The following UBE2U variants were observed in gnomAD, a reference collection of about 807,000 sequenced individuals.
The protein encoded by UBE2U is ubiquitin-conjugating enzyme E2 U.
UBE2U carries 39 observed loss-of-function variants against 41.2 expected under a neutral mutation model. The observed-to-expected ratio is 0.95, with a 90% CI of 0.73 to 1.24. The LOEUF (loss-of-function observed/expected upper bound fraction) is 1.24, where lower values mean the gene tolerates loss of function less well. Among genes scored for constraint, UBE2U ranks in the 50% most tolerant of loss-of-function variants. The pLI is 0.00. For missense variants in UBE2U, 336 were observed against 363.1 expected (o/e 0.93, Z 0.61); for synonymous variants, 107 against 117.8 (o/e 0.91, Z 0.60).
chr1:64,222,428 C>T (rs1202997499), intron 6 of UBE2U, among the ~76,000 whole-genome samples: 3 of 152,164 alleles, frequency 2.0e-5, no homozygotes, highest in Non-Finnish European at 4.4e-5. Context: ...AGCAGAAGAC[C>T]TTCTGTGGTC....
intron 8 of UBE2U, chr1:64,244,169 A>G: frequency 1.2e-6 from 2 of 1,607,614 alleles, no homozygotes; most frequent in Non-Finnish European, 1.7e-6. Context: ...GGGGAAGAGC[A>G]TGAGCTTCAG....
intron 9 of UBE2U, among the ~76,000 whole-genome samples, chr1:64,265,647 C>G (rs1020670101): frequency 1.3e-5 from 2 of 152,152 alleles, no homozygotes; most frequent in African/African-American, 4.8e-5. Flanking sequence ...GGGTCAATCT[C>G]AGCTCACTGC....
At chr1:64,221,624 GC>G (rs1652473925) in intron 6 of UBE2U, among the ~76,000 whole-genome samples, 1 of 152,150 alleles carries the variant, frequency 6.6e-6, no homozygotes, top group Non-Finnish European at 1.5e-5. Context: ...CAAGGTATAG[GC>G]CTAGAAACAC....
chr1:64,210,807 T>C lies in UBE2U; in HGVS notation c.307T>C (p.Tyr103His), dbSNP rs889525948. 3.7e-6 allele frequency: 6 copies of C among 1,607,462 alleles called. No individual in the cohort carries two copies. Among genetic ancestry groups the C allele is most frequent in the Non-Finnish European group, 5.1e-6 (6 of 1,175,940 alleles). ...LDNPEKWNTNYTLSSILLALQ... is the reference protein window; with the variant it reads ...LDNPEKWNTNHTLSSILLALQ... ...CAACCCTGAGAAGTGGAATACAAACTATACATTGAGCAGCATCTTACTTGC... is the reference window on the plus strand; with the variant it reads ...CAACCCTGAGAAGTGGAATACAAACCATACATTGAGCAGCATCTTACTTGC... The change falls in exon 4 of 10, where the codon TAT (tyrosine) becomes CAT (histidine). Residue 103 changes from tyrosine to histidine, a missense_variant. Coordinates refer to ENST00000371077, the MANE Select transcript of UBE2U (RefSeq NM_001366232.2).
chr1:64,232,559 A>C lies in UBE2U; in HGVS notation c.507-2A>C, dbSNP rs748124770. ...TCGTCTGATTTTTATTTATATTTTC[A>C]GACCAATTAAAACAACCTCATTTAG... On this transcript the variant is annotated splice_acceptor_variant, in intron 6 of 9. Coordinates refer to ENST00000371077, the MANE Select transcript of UBE2U (RefSeq NM_001366232.2). LOFTEE classifies it high-confidence loss of function. 6.2e-7 allele frequency: 1 copy of C among 1,608,072 alleles called. No individual in the cohort carries two copies. Among genetic ancestry groups the C allele is most frequent in the Non-Finnish European group, 8.5e-7 (1 of 1,177,188 alleles).
intron 7 of UBE2U, among the ~76,000 whole-genome samples, chr1:64,237,812 G>A (rs149389500): frequency 1.3e-5 from 2 of 152,274 alleles, no homozygotes; most frequent in East Asian, 3.9e-4. Context: ...GGACTATTCA[G>A]GAAAGATGAC....
At position 64,239,057 on chromosome 1, in the gene UBE2U, GAAGAA is replaced by G. The variant is rs1557729267; in HGVS notation, c.596-2594_596-2590del. The stretch of plus-strand genomic sequence containing the variant: ...ACCCCCATCTCAAAAAGAAGAAGAA[GAAGAA>G]GAAGAGGAAGAGGAAGAGGAAGAGG... On this transcript the variant is annotated intron_variant, in intron 7 of 9. Transcript: ENST00000371077. 1.4e-3 allele frequency among the ~76,000 whole-genome samples: 87 copies of G among 62,778 alleles called. 2 individuals are homozygous for G. The highest frequency in any genetic ancestry group is 1.9e-3 in the Admixed American group (11 of 5,702). 41.2% of individuals were successfully genotyped at this position (62,778 alleles called of 152,430 possible).
intron 3 of UBE2U, among the ~76,000 whole-genome samples, chr1:64,208,906 G>GA (rs1396772943): frequency 1.3e-4 from 20 of 151,936 alleles, no homozygotes; most frequent in Admixed American, 1.1e-3. Flanking sequence ...ATTGTTAAGT[G>GA]AAAAAATACA....
At chr1:64,259,641 A>T (rs1323528345) in intron 8 of UBE2U, among the ~76,000 whole-genome samples, 3 of 152,044 alleles carry the variant, frequency 2.0e-5, no homozygotes, top group Non-Finnish European at 4.4e-5. Flanking sequence ...TTTCTTCAAG[A>T]AAACTTTGTT....
intron 6 of UBE2U, among the ~76,000 whole-genome samples, chr1:64,229,410 A>G (rs1273540032): frequency 1.3e-5 from 2 of 152,198 alleles, no homozygotes; most frequent in East Asian, 3.9e-4. Flanking sequence ...AAGAGGCGCT[A>G]AACTTGGCTC....
At chr1:64,239,157 A>AAGAAGAAGAGAAGAAG in intron 7 of UBE2U, among the ~76,000 whole-genome samples, 1 of 37,064 alleles carries the variant, frequency 2.7e-5, no homozygotes, top group East Asian at 1.0e-3. Flanking sequence ...GAAGAAGAAG[A>AAGAAGAAGAGAAGAAG]AAGAAGAAGA....
intron 7 of UBE2U, among the ~76,000 whole-genome samples, chr1:64,239,689 T>G (rs973163648): frequency 3.3e-5 from 5 of 152,026 alleles, no homozygotes; most frequent in Admixed American, 2.6e-4. Flanking sequence ...CCCTACAAAG[T>G]ACATGAACTC....
chr1:64,224,354 A>C (rs910057202), intron 6 of UBE2U, among the ~76,000 whole-genome samples: 2 of 152,248 alleles, frequency 1.3e-5, no homozygotes, highest in African/African-American at 2.4e-5. Context: ...AAACTGATTA[A>C]GTAAACATTG....
intron 6 of UBE2U, among the ~76,000 whole-genome samples, chr1:64,226,623 G>A (rs924947766): frequency 2.0e-5 from 3 of 151,914 alleles, no homozygotes; most frequent in African/African-American, 7.3e-5. Context: ...CTTGAGCCCA[G>A]GATTTCAAGA....
intron 4 of UBE2U, among the ~76,000 whole-genome samples, chr1:64,214,129 T>C (rs1163918209): frequency 1.3e-5 from 2 of 152,168 alleles, no homozygotes; most frequent in Non-Finnish European, 2.9e-5. Flanking sequence ...ATAATCAATA[T>C]TTTAATAGCT....
At chr1:64,231,548 G>C (rs1364048507) in intron 6 of UBE2U, among the ~76,000 whole-genome samples, 2 of 152,174 alleles carry the variant, frequency 1.3e-5, no homozygotes, top group South Asian at 2.1e-4. Context: ...TTCTACTTAA[G>C]TGTGATTGTA....
chr1:64,212,768 T>G (rs1316891945), intron 4 of UBE2U, among the ~76,000 whole-genome samples: 1 of 152,154 alleles, frequency 6.6e-6, no homozygotes, highest in Non-Finnish European at 1.5e-5. Flanking sequence ...CTCAAAAAGT[T>G]TTGAATTCTG....
intron 8 of UBE2U, among the ~76,000 whole-genome samples, chr1:64,249,139 G>T (rs1261948680): frequency 6.6e-6 from 1 of 152,054 alleles, no homozygotes; most frequent in Non-Finnish European, 1.5e-5. Context: ...CACTTTGGGA[G>T]GACAAGGCGG....
At chr1:64,204,728 G>C (rs1651182669) in intron 1 of UBE2U, among the ~76,000 whole-genome samples, 1 of 152,206 alleles carries the variant, frequency 6.6e-6, no homozygotes, top group Non-Finnish European at 1.5e-5. Context: ...AAATGGAAGA[G>C]GGGGCGAAGA....
Sources: allele counts gnomAD v4.1 joint callset (sites outside exome capture counted in the v4.1 genomes callset), GRCh38; gene constraint gnomAD v4.1.1; transcripts MANE v1.5; gene names NCBI Gene and HGNC (gene_info 2026-07-23, HGNC 2026-07-21).